Variants in GABRB2 observed in about 807,000 individuals in gnomAD.
The protein encoded by GABRB2 is gamma-aminobutyric acid type A receptor subunit beta2.
In GABRB2, 16 loss-of-function variants were observed where a neutral mutation model predicts 54.7. That is an observed-to-expected ratio of 0.29 (90% CI 0.20 to 0.44). The LOEUF (loss-of-function observed/expected upper bound fraction) is 0.44, where lower values mean the gene tolerates loss of function less well. Among genes scored for constraint, GABRB2 ranks in the 20% least tolerant of loss-of-function variants. The pLI is 1.00. For synonymous variants in GABRB2, 244 were observed against 233.8 expected (o/e 1.04, Z -0.40); for missense variants, 355 against 644.0 (o/e 0.55, Z 4.86).
Position 161,336,614 on chromosome 5 carries a change from C to A in GABRB2, c.679+18G>T. The A allele has an allele frequency of 1.2e-6, 2 of 1,610,546 alleles. No homozygotes were observed. Among genetic ancestry groups the A allele is most frequent in the African/African-American group, 1.3e-5 (1 of 74,880 alleles). On this transcript the variant is annotated intron_variant, in intron 6 of 9. Transcript: ENST00000393959. ...CGGTGAAGATTATTTTCCCTTAACA[C>A]TTTTCCATGATACAAACCTGTGGAA...
intron 9 of GABRB2, among the ~76,000 whole-genome samples, chr5:161,301,212 T>C (rs573519480): frequency 6.6e-6 from 1 of 152,256 alleles, no homozygotes; most frequent in East Asian, 1.9e-4. Flanking sequence ...ACGAGTTCTG[T>C]CTTGGTGTGC....
At position 161,330,875 on chromosome 5, in the gene GABRB2, G is replaced by A; in HGVS notation, c.1077+8C>T. 6.2e-7 allele frequency: 1 copy of A among 1,614,190 alleles called. No individual in the cohort carries two copies. Among genetic ancestry groups the A allele is most frequent in the Non-Finnish European group, 8.5e-7 (1 of 1,180,034 alleles). On this transcript the variant is annotated splice_region_variant and intron_variant, in intron 8 of 9. Coordinates refer to ENST00000393959, the MANE Select transcript of GABRB2 (RefSeq NM_001371727.1). ...AAGAAGCAAGGAGGGCTTGCCCTCT[G>A]AATTTACCTTGTTGACATCCAGGCG...
At chr5:161,367,498 G>T (rs183451901) in intron 5 of GABRB2, among the ~76,000 whole-genome samples, 8 of 145,260 alleles carry the variant, frequency 5.5e-5, no homozygotes, top group African/African-American at 1.9e-4. Context: ...CTGAGTTAAC[G>T]TATTTTTTTT....
At chr5:161,476,292 C>A (rs750423443) in intron 3 of GABRB2, among the ~76,000 whole-genome samples, 1 of 151,802 alleles carries the variant, frequency 6.6e-6, no homozygotes, top group Non-Finnish European at 1.5e-5. Flanking sequence ...ATTAAAGACA[C>A]AAATGAATGA....
intron 9 of GABRB2, among the ~76,000 whole-genome samples, chr5:161,324,332 C>T (rs1195887875): frequency 6.6e-6 from 1 of 152,050 alleles, no homozygotes; most frequent in Non-Finnish European, 1.5e-5. Flanking sequence ...GTTTTGTAAT[C>T]AGAATAATAG....
At chr5:161,357,156 G>A (rs146388005) in intron 5 of GABRB2, among the ~76,000 whole-genome samples, 1 of 152,320 alleles carries the variant, frequency 6.6e-6, no homozygotes, top group East Asian at 1.9e-4. Context: ...AGAAGTATCT[G>A]TTGTCTTGGG....
intron 3 of GABRB2, among the ~76,000 whole-genome samples, chr5:161,489,819 C>T (rs1759047035): frequency 6.6e-6 from 1 of 151,740 alleles, no homozygotes; most frequent in African/African-American, 2.4e-5. Context: ...TAGCTTTAGG[C>T]TTATTTTAGT....
chr5:161,484,545 T>C (rs1758860974), intron 3 of GABRB2, among the ~76,000 whole-genome samples: 1 of 151,930 alleles, frequency 6.6e-6, no homozygotes, highest in Admixed American at 6.6e-5. Context: ...CCCACCCTAT[T>C]CCTCTCAAAG....
At chr5:161,319,734 T>A (rs1432032340) in intron 9 of GABRB2, among the ~76,000 whole-genome samples, 1 of 151,832 alleles carries the variant, frequency 6.6e-6, no homozygotes, top group East Asian at 1.9e-4. Context: ...AGAGTTTAAA[T>A]ACCACTAGAG....
At chr5:161,471,754 T>C (rs764488937) in intron 3 of GABRB2, among the ~76,000 whole-genome samples, 1 of 151,998 alleles carries the variant, frequency 6.6e-6, no homozygotes, top group Non-Finnish European at 1.5e-5. Flanking sequence ...AGGACTCAGT[T>C]CACCTTGAGA....
intron 3 of GABRB2, among the ~76,000 whole-genome samples, chr5:161,523,777 C>T (rs1371013061): frequency 6.6e-6 from 1 of 151,082 alleles, no homozygotes; most frequent in African/African-American, 2.4e-5. Context: ...TCCATTGCTA[C>T]ACAGGATCTT....
rs142127674 is a variant in GABRB2, at chr5:161,534,095, C to T, written c.237+11132G>A. ...AAAAACCATTACTCAAAAAGAAAAT[C>T]TCTCCTCTACTTTCTAAAAGCACAG... On this transcript the variant is annotated intron_variant, in intron 3 of 9. Transcript: ENST00000393959. 4.5e-4 allele frequency among the ~76,000 whole-genome samples: 69 copies of T among 152,188 alleles called. No homozygotes were observed. The East Asian group carries it at 8.7e-3, about 19-fold the overall frequency.
chr5:161,460,914 C>T (rs1469537482), intron 3 of GABRB2, among the ~76,000 whole-genome samples: 1 of 151,942 alleles, frequency 6.6e-6, no homozygotes, highest in Non-Finnish European at 1.5e-5. Flanking sequence ...GAGAAGGAGC[C>T]CAAACCACTG....
chr5:161,470,420 C>T (rs941986136), intron 3 of GABRB2, among the ~76,000 whole-genome samples: 25 of 151,934 alleles, frequency 1.6e-4, no homozygotes, highest in African/African-American at 4.3e-4. Flanking sequence ...AATTATAAGT[C>T]TGGCACAGTA....
At chr5:161,472,937 T>C (rs75260680) in intron 3 of GABRB2, among the ~76,000 whole-genome samples, 87 of 152,132 alleles carry the variant, frequency 5.7e-4, no homozygotes, top group African/African-American at 2.0e-3. Context: ...CAATTTCATG[T>C]GGTTCAACAT....
chr5:161,445,369 C>T (rs1339567979), intron 4 of GABRB2, among the ~76,000 whole-genome samples: 2 of 151,886 alleles, frequency 1.3e-5, no homozygotes, highest in Non-Finnish European at 2.9e-5. Flanking sequence ...AACTGGAACA[C>T]TCATTCCTCA....
intron 9 of GABRB2, 103 bp from the exon 10 acceptor site, chr5:161,294,531 G>C: frequency 1.1e-6 from 1 of 931,068 alleles, no homozygotes; most frequent in Non-Finnish European, 1.6e-6. Flanking sequence ...TATAGGAGTG[G>C]TAAAGAGAGC....
At chr5:161,432,759 G>T (rs985682380) in intron 4 of GABRB2, among the ~76,000 whole-genome samples, 1 of 152,042 alleles carries the variant, frequency 6.6e-6, no homozygotes, top group Non-Finnish European at 1.5e-5. Flanking sequence ...GTACCTCAGA[G>T]TCCTCCCCAT....
intron 5 of GABRB2, among the ~76,000 whole-genome samples, chr5:161,403,889 C>T (rs937511256): frequency 6.6e-6 from 1 of 152,034 alleles, no homozygotes; most frequent in Non-Finnish European, 1.5e-5. Flanking sequence ...TTAGTGCAAA[C>T]CTCAGAGGGA....
Sources: allele counts gnomAD v4.1 joint callset (sites outside exome capture counted in the v4.1 genomes callset), GRCh38; gene constraint gnomAD v4.1.1; transcripts MANE v1.5; gene names NCBI Gene and HGNC (gene_info 2026-07-23, HGNC 2026-07-21).